PEX5L: variants seen among roughly 807,000 people sequenced by gnomAD.
The protein encoded by PEX5L is peroxisomal biogenesis factor 5 like.
PEX5L carries 30 observed loss-of-function variants against 84.0 expected under a neutral mutation model. That is an observed-to-expected ratio of 0.36 (90% confidence interval 0.27 to 0.48). The LOEUF (loss-of-function observed/expected upper bound fraction) is 0.48. Ranked by LOEUF, PEX5L falls within the 20% of genes least tolerant of loss-of-function variation. PEX5L has a pLI of 0.99. For missense variants in PEX5L, 533 were observed against 754.6 expected, an observed-to-expected ratio of 0.71 and a Z score of 3.44; for synonymous variants, 270 against 283.1, an observed-to-expected ratio of 0.95 and a Z score of 0.46.
Position 179,797,700 on chromosome 3 carries a change from T to C in PEX5L, c.*4128A>G, listed in dbSNP as rs956433961. 6.6e-6 allele frequency: 1 copy of C among 150,830 alleles called. No homozygotes were observed. The highest frequency in any genetic ancestry group is 1.5e-5 in the Non-Finnish European group (1 of 67,792). 9.3% of individuals were successfully genotyped at this position (150,830 alleles called of 1,614,324 possible). ...ACTATTGAGATGATGATAGGGAAAC[T>C]GCAGTAAAATGTGGATACGAAATGA... is the stretch of plus-strand genomic sequence containing the variant. On this transcript the variant is annotated 3_prime_UTR_variant, in exon 15 of 15. Transcript: ENST00000467460.
At chr3:179,975,723 C>T (rs987909395) in intron 1 of PEX5L, among the ~76,000 whole-genome samples, 1 of 152,186 alleles carries the variant, frequency 6.6e-6, no homozygotes, top group African/African-American at 2.4e-5. Flanking sequence ...CTCTTTTTCA[C>T]CTATCTTCAG....
chr3:179,884,418 A>T (rs974688298), intron 4 of PEX5L, among the ~76,000 whole-genome samples: 1 of 152,214 alleles, frequency 6.6e-6, no homozygotes, highest in Non-Finnish European at 1.5e-5. Flanking sequence ...TGGAGCAAGG[A>T]GTCATAAGCC....
At chr3:179,982,667 A>G (rs1416317299) in intron 1 of PEX5L, among the ~76,000 whole-genome samples, 2 of 152,128 alleles carry the variant, frequency 1.3e-5, no homozygotes, top group Middle Eastern at 3.2e-3. Flanking sequence ...TGAAAAATGT[A>G]TTGGTAATAT....
At chr3:179,879,105 A>G (rs1310292346) in intron 5 of PEX5L, among the ~76,000 whole-genome samples, 1 of 152,166 alleles carries the variant, frequency 6.6e-6, no homozygotes, top group African/African-American at 2.4e-5. Flanking sequence ...TATATACAAT[A>G]TTCACCTCCC....
chr3:180,003,253 T>C (rs780642824), intron 1 of PEX5L, among the ~76,000 whole-genome samples: 8 of 152,170 alleles, frequency 5.3e-5, no homozygotes, highest in Non-Finnish European at 1.2e-4. Context: ...ATGTGAAACA[T>C]GGAAAACATC....
chr3:179,810,761 G>A (rs112101915), intron 11 of PEX5L, among the ~76,000 whole-genome samples: 1 of 152,100 alleles, frequency 6.6e-6, no homozygotes, highest in African/African-American at 2.4e-5. Flanking sequence ...CAAACACCTG[G>A]GAGTTTTAAA....
At chr3:179,854,634 T>C (rs1187501721) in intron 8 of PEX5L, among the ~76,000 whole-genome samples, 2 of 152,204 alleles carry the variant, frequency 1.3e-5, no homozygotes. Context: ...TATGGCACTT[T>C]ATATACAACA....
At chr3:179,977,272 T>G (rs781132378) in intron 1 of PEX5L, among the ~76,000 whole-genome samples, 4 of 152,228 alleles carry the variant, frequency 2.6e-5, no homozygotes, top group Non-Finnish European at 4.4e-5. Flanking sequence ...GGCCAGGACT[T>G]TACCCTTCCT....
intron 8 of PEX5L, among the ~76,000 whole-genome samples, chr3:179,845,202 A>G (rs1180442550): frequency 2.0e-5 from 3 of 152,158 alleles, no homozygotes; most frequent in Non-Finnish European, 4.4e-5. Context: ...AATCCAATAT[A>G]TTCTGATTTT....
At chr3:179,932,000 C>T (rs1388009751) in intron 2 of PEX5L, among the ~76,000 whole-genome samples, 1 of 152,020 alleles carries the variant, frequency 6.6e-6, no homozygotes, top group African/African-American at 2.4e-5. Flanking sequence ...TAGAAATGTG[C>T]AAATATTTCT....
intron 9 of PEX5L, among the ~76,000 whole-genome samples, chr3:179,819,068 C>G (rs1481523802): frequency 1.3e-5 from 2 of 151,358 alleles, no homozygotes; most frequent in African/African-American, 4.9e-5. Flanking sequence ...GGGTCTCACT[C>G]TGTTGTTCAG....
At chr3:179,936,618 T>C (rs1183057197) in intron 2 of PEX5L, among the ~76,000 whole-genome samples, 1 of 37,574 alleles carries the variant, frequency 2.7e-5, no homozygotes, top group East Asian at 1.6e-3. Flanking sequence ...GGAAGCTGAG[T>C]TCTGAAAAAA....
intron 8 of PEX5L, among the ~76,000 whole-genome samples, chr3:179,844,733 G>A (rs1738652261): frequency 6.6e-6 from 1 of 152,202 alleles, no homozygotes; most frequent in Non-Finnish European, 1.5e-5. Context: ...GGGAGGCTGA[G>A]GCAGGAGAAT....
intron 7 of PEX5L, among the ~76,000 whole-genome samples, chr3:179,866,796 G>A (rs1255625788): frequency 6.6e-6 from 1 of 151,840 alleles, no homozygotes; most frequent in Admixed American, 6.6e-5. Context: ...AGGCCGAGGT[G>A]GGCGGATTGC....
In PEX5L at chr3:179,819,876, A is replaced by G. The variant is rs1306686564; in HGVS notation, c.923T>C (p.Ile308Thr). ...ENQEAQNQVT[I>T]SASEKGYYFH... ...ATTGGTTACCTTCTCACTAGCCGAG[A>G]TGGTTACTTGGTTCTGGGCTTCTTG... Residue 308 changes from isoleucine to threonine, a missense_variant, in exon 9 of 15, where the codon ATC becomes ACC. By Grantham distance (89) the Ile-to-Thr change is moderately conservative. Around this residue, in one of 8 missense-constraint regions of PEX5L, gnomAD observed 58 missense variants for 56.4 expected, o/e 1.03. Coordinates refer to ENST00000467460, the MANE Select transcript of PEX5L (RefSeq NM_016559.3). 2.5e-6 allele frequency: 4 copies of G among 1,613,928 alleles called. No individual in the cohort carries two copies. In the East Asian group the frequency reaches 8.9e-5, roughly 36 times the overall value.
At chr3:179,851,157 G>T (rs2108452233) in intron 8 of PEX5L, among the ~76,000 whole-genome samples, 1 of 152,302 alleles carries the variant, frequency 6.6e-6, no homozygotes, top group South Asian at 2.1e-4. Context: ...GAGAAGTAAA[G>T]AAAGTCACTG....
At chr3:179,817,508 GA>G (rs1430082476) in intron 9 of PEX5L, among the ~76,000 whole-genome samples, 1 of 152,102 alleles carries the variant, frequency 6.6e-6, no homozygotes, top group Non-Finnish European at 1.5e-5. Flanking sequence ...ATTACCTTAG[GA>G]TAGACTCCCA....
At chr3:179,931,772 G>A (rs1773183102) in intron 2 of PEX5L, among the ~76,000 whole-genome samples, 1 of 152,074 alleles carries the variant, frequency 6.6e-6, no homozygotes, top group Non-Finnish European at 1.5e-5. Flanking sequence ...GATCAGTTAA[G>A]TTCACATGTA....
intron 14 of PEX5L, 75 bp from the exon 15 acceptor site, chr3:179,802,107 A>C: frequency 9.8e-7 from 1 of 1,025,174 alleles, no homozygotes; most frequent in Non-Finnish European, 1.5e-6. Context: ...ACAAAACAAA[A>C]TTGGATTAAG....
Sources: allele counts gnomAD v4.1 joint callset (sites outside exome capture counted in the v4.1 genomes callset), GRCh38; gene constraint gnomAD v4.1.1; regional missense constraint gnomAD v4.1.1; transcripts MANE v1.5; gene names NCBI Gene and HGNC (gene_info 2026-07-23, HGNC 2026-07-21).